TMEM182: variants seen among roughly 807,000 people sequenced by gnomAD.
The protein encoded by TMEM182 is transmembrane protein 182.
In TMEM182, 20 loss-of-function variants were observed where a neutral mutation model predicts 26.8. The observed-to-expected ratio is 0.75, with a 90% confidence interval of 0.53 to 1.09. The LOEUF is 1.09. Ranked by LOEUF, TMEM182 falls within the 50% of genes least tolerant of loss-of-function variation. TMEM182 has a pLI of 0.00. For synonymous variants in TMEM182, 109 were observed against 102.2 expected, an observed-to-expected ratio of 1.07 and a Z score of -0.40; for missense variants, 277 against 275.5, an observed-to-expected ratio of 1.01 and a Z score of -0.04.
chr2:102,744,708 C>G lies in TMEM182; in HGVS notation c.-83+7695C>G, dbSNP rs544912794. Among the ~76,000 whole-genome samples the G allele has an allele frequency of 1.2e-4, 19 of 152,182 alleles. No homozygotes were observed. The Middle Eastern group carries it at 0.017, about 136-fold the overall frequency. On this transcript the variant is annotated intron_variant, in intron 1 of 5. Coordinates refer to the TMEM182 transcript ENST00000409173. Reference sequence around the variant, plus strand: ...AAGTGTTTTATTTTTTCCTTTAGCCCTTAAAATATTTCGCTTATTGTCTTC... The same window carrying G: ...AAGTGTTTTATTTTTTCCTTTAGCCGTTAAAATATTTCGCTTATTGTCTTC...
intron 3 of TMEM182, among the ~76,000 whole-genome samples, chr2:102,843,088 G>A (rs141880745): frequency 2.2e-3 from 332 of 152,326 alleles, no homozygotes; most frequent in African/African-American, 7.5e-3. Flanking sequence ...ACAGCAGGCC[G>A]TGCTAAGGTC....
chr2:102,795,837 G>A (rs542818558), intron 3 of TMEM182, among the ~76,000 whole-genome samples: 2 of 152,100 alleles, frequency 1.3e-5, no homozygotes, highest in African/African-American at 2.4e-5. Context: ...GGCCTCCTGC[G>A]CTGTGGCACA....
In TMEM182 at chr2:102,740,291, C is replaced by G. The variant is rs567248200; in HGVS notation, c.-83+3278C>G. Reference sequence around the variant, plus strand: ...AATCCCCATGTGTTGTGGGAGGGACCAAGTGGGACATAATTGAATCATGGA... The same window carrying G: ...AATCCCCATGTGTTGTGGGAGGGACGAAGTGGGACATAATTGAATCATGGA... On this transcript the variant is annotated intron_variant, in intron 1 of 5. Transcript: ENST00000409173. Among the ~76,000 whole-genome samples the G allele has an allele frequency of 2.0e-5, 3 of 152,242 alleles. No individual in the cohort carries two copies. The East Asian group carries it at 5.8e-4, about 29-fold the overall frequency.
intron 3 of TMEM182, among the ~76,000 whole-genome samples, chr2:102,842,544 C>G (rs576899301): frequency 4.7e-4 from 72 of 152,204 alleles, no homozygotes; most frequent in African/African-American, 1.7e-3. Context: ...TGTAGGGGGG[C>G]CCAGAATGGC....
In TMEM182 at chr2:102,816,199, A is replaced by G. The variant is rs1040527057; in HGVS notation, c.*1231A>G. On this transcript the variant is annotated 3_prime_UTR_variant, in exon 5 of 5. Transcript: ENST00000412401. ...TCTGAGATGCCTAGCTCGTATTTGCATTCTGGAAGCCTCCATCGCAGGGGA... is the reference window on the plus strand; with the variant it reads ...TCTGAGATGCCTAGCTCGTATTTGCGTTCTGGAAGCCTCCATCGCAGGGGA... 12 of 985,286 alleles carry G rather than the reference A, an allele frequency of 1.2e-5. No homozygotes were observed. The highest frequency in any genetic ancestry group is 5.2e-5 in the African/African-American group (3 of 57,228). 61.0% of individuals were successfully genotyped at this position (985,286 alleles called of 1,614,324 possible).
intron 3 of TMEM182, among the ~76,000 whole-genome samples, chr2:102,824,300 T>G (rs992509806): frequency 3.3e-5 from 5 of 152,168 alleles, no homozygotes; most frequent in Non-Finnish European, 7.4e-5. Flanking sequence ...CCTCAGTGAT[T>G]GTTTGTGGAG....
intron 3 of TMEM182, among the ~76,000 whole-genome samples, chr2:102,776,418 A>C (rs1473205450): frequency 6.6e-6 from 1 of 152,096 alleles, no homozygotes; most frequent in East Asian, 1.9e-4. Flanking sequence ...ATCACACCAG[A>C]TGTGGCCTTT....
intron 3 of TMEM182, among the ~76,000 whole-genome samples, chr2:102,768,302 C>T (rs899069614): frequency 3.3e-5 from 5 of 152,106 alleles, no homozygotes; most frequent in African/African-American, 1.2e-4. Context: ...CATTATTACA[C>T]TGTACTGTGG....
intron 3 of TMEM182, among the ~76,000 whole-genome samples, chr2:102,825,187 G>C (rs1367444895): frequency 6.6e-6 from 1 of 152,116 alleles, no homozygotes; most frequent in Admixed American, 6.5e-5. Context: ...AGACACAACA[G>C]GACAGAAAAA....
chr2:102,770,398 AC>A (rs967966426), intron 3 of TMEM182, among the ~76,000 whole-genome samples: 4 of 152,080 alleles, frequency 2.6e-5, no homozygotes, highest in Admixed American at 6.6e-5. Context: ...TCCTAAATCC[AC>A]CTGACACTTC....
chr2:102,758,733 G>C (rs1450680114), upstream of TMEM182, among the ~76,000 whole-genome samples: 3 of 152,208 alleles, frequency 2.0e-5, no homozygotes, highest in Non-Finnish European at 4.4e-5. Flanking sequence ...TGCCTGTTGT[G>C]TGCCAAGTCC....
Position 102,762,355 on chromosome 2 carries a change from T to G in TMEM182, c.132+6T>G. 6.2e-7 allele frequency: 1 copy of G among 1,613,564 alleles called. No homozygotes were observed. Among genetic ancestry groups the G allele is most frequent in the Non-Finnish European group, 8.5e-7 (1 of 1,179,840 alleles). On this transcript the variant is annotated splice_donor_region_variant and intron_variant, in intron 1 of 4. Coordinates refer to ENST00000412401, the MANE Select transcript of TMEM182 (RefSeq NM_144632.5). Reference sequence around the variant, plus strand: ...GATGTTCAGGTGAAAAGAATGTGAGTCTCTTCTTCAAAATAGTGATGCACA... The same window carrying G: ...GATGTTCAGGTGAAAAGAATGTGAGGCTCTTCTTCAAAATAGTGATGCACA...
At chr2:102,804,967 ACT>A (rs1682290280) in intron 4 of TMEM182, among the ~76,000 whole-genome samples, 1 of 152,196 alleles carries the variant, frequency 6.6e-6, no homozygotes. Flanking sequence ...CTAAAAAATC[ACT>A]GTCATCCAGA....
intron 4 of TMEM182, among the ~76,000 whole-genome samples, chr2:102,803,422 TAGTAG>T (rs1400855592): frequency 6.6e-6 from 1 of 152,176 alleles, no homozygotes; most frequent in Non-Finnish European, 1.5e-5. Flanking sequence ...TAGGAAAGGT[TAGTAG>T]ATATAAAGGG....
At position 102,817,226 on chromosome 2, in the gene TMEM182, C is replaced by G. The variant is rs991800371; in HGVS notation, c.*2258C>G. 9.1e-6 allele frequency: 9 copies of G among 985,148 alleles called. No individual in the cohort carries two copies. The highest frequency in any genetic ancestry group is 6.0e-6 in the Non-Finnish European group (5 of 829,876). The allele number at this position is 985,148 out of a possible 1,614,324, so 61.0% of individuals were successfully genotyped here. On this transcript the variant is annotated 3_prime_UTR_variant, in exon 5 of 5. Transcript: ENST00000412401. ...TTTGAGATACTGTGTTGCCAAATGT[C>G]CATGTTATGTTTATTTCTCTATTGG...
chr2:102,833,361 G>A (rs1170334980), intron 3 of TMEM182, among the ~76,000 whole-genome samples: 2 of 152,138 alleles, frequency 1.3e-5, no homozygotes, highest in African/African-American at 4.8e-5. Flanking sequence ...TCCAATTGCA[G>A]TTCTAATTTC....
At chr2:102,777,382 C>A (rs1168543693) in intron 3 of TMEM182, among the ~76,000 whole-genome samples, 2 of 152,054 alleles carry the variant, frequency 1.3e-5, no homozygotes, top group Non-Finnish European at 2.9e-5. Flanking sequence ...TGTGTCAGCA[C>A]CATTTATGGA....
At chr2:102,765,444 T>C (rs900981074) in intron 3 of TMEM182, among the ~76,000 whole-genome samples, 1 of 152,166 alleles carries the variant, frequency 6.6e-6, no homozygotes, top group Non-Finnish European at 1.5e-5. Context: ...GGTAATCTGC[T>C]CTACTCAAAG....
At position 102,815,014 on chromosome 2, in the gene TMEM182, G is replaced by C; in HGVS notation, c.*46G>C. The C allele has an allele frequency of 3.7e-6, 6 of 1,600,516 alleles. No individual in the cohort carries two copies. The highest frequency in any genetic ancestry group is 4.3e-6 in the Non-Finnish European group (5 of 1,173,414). On this transcript the variant is annotated 3_prime_UTR_variant, in exon 5 of 5. Coordinates refer to ENST00000412401, the MANE Select transcript of TMEM182 (RefSeq NM_144632.5). Reference sequence around the variant, plus strand: ...TTTTCTTGAGAGATTTTAAAACAAGGAATACTTTTTTTCCATTTTGTTTCA... The same window carrying C: ...TTTTCTTGAGAGATTTTAAAACAAGCAATACTTTTTTTCCATTTTGTTTCA...
Sources: allele counts gnomAD v4.1 joint callset (sites outside exome capture counted in the v4.1 genomes callset), GRCh38; gene constraint gnomAD v4.1.1; transcripts MANE v1.5; gene names NCBI Gene and HGNC (gene_info 2026-07-23, HGNC 2026-07-21).